The following CDH12 variants were observed in gnomAD, a reference collection of about 807,000 sequenced individuals.
The protein encoded by CDH12 is cadherin 12.
CDH12 carries 41 observed loss-of-function variants against 74.1 expected under a neutral mutation model. That is an observed-to-expected ratio of 0.55 (90% CI 0.43 to 0.72). The LOEUF is 0.72. CDH12 is among the 30% of genes least tolerant of loss of function. The pLI, the probability that CDH12 is intolerant of heterozygous loss-of-function variation, is 0.00. For missense variants in CDH12, 945 were observed against 977.2 expected (o/e 0.97, Z 0.44); for synonymous variants, 399 against 355.0 (o/e 1.12, Z -1.39).
chr5:21,904,492 G>A (rs7445292), intron 6 of CDH12, among the ~76,000 whole-genome samples: 111,362 of 152,108 alleles, frequency 0.73, 43,354 homozygotes, highest in Non-Finnish European at 0.86. Flanking sequence ...TTGGGCTGGC[G>A]TAGTAGCTCA....
intron 3 of CDH12, among the ~76,000 whole-genome samples, chr5:22,287,399 A>G (rs1371750722): frequency 1.3e-5 from 2 of 152,148 alleles, no homozygotes; most frequent in African/African-American, 4.8e-5. Flanking sequence ...TAAATTTTAT[A>G]GTACAGTTAA....
rs1447002522 is a variant in CDH12 at position 22,732,458 on chromosome 5, A to G, written c.-523+120600T>C. On this transcript the variant is annotated intron_variant, in intron 1 of 14. Transcript: ENST00000382254. ...TATATACATATGTGAATGTGTGTGT[A>G]TATATATATATATACACACACACAC... 2.8e-4 allele frequency among the ~76,000 whole-genome samples: 19 copies of G among 67,388 alleles called. No individual in the cohort carries two copies. The East Asian group carries it at 3.2e-3, about 11-fold the overall frequency. The allele number at this position is 67,388 out of a possible 152,430, so 44.2% of individuals were successfully genotyped here. A position where few individuals can be genotyped will look rare whatever the true frequency, so the allele number is the denominator to read the frequency against.
intron 6 of CDH12, among the ~76,000 whole-genome samples, chr5:21,960,204 A>G (rs942069344): frequency 1.3e-5 from 2 of 152,158 alleles, no homozygotes; most frequent in Non-Finnish European, 2.9e-5. Context: ...AGACATCTAC[A>G]GAACTCTCCA....
chr5:22,324,844 G>T (rs1183685232), intron 3 of CDH12, among the ~76,000 whole-genome samples: 2 of 152,144 alleles, frequency 1.3e-5, no homozygotes, highest in East Asian at 3.9e-4. Context: ...ACGCTAATTT[G>T]TAATCAAATA....
intron 8 of CDH12, among the ~76,000 whole-genome samples, chr5:21,826,815 A>G (rs1023926790): frequency 4.6e-5 from 7 of 152,148 alleles, no homozygotes; most frequent in African/African-American, 1.7e-4. Context: ...TCCATTATTA[A>G]CTAATTTTAT....
intron 3 of CDH12, among the ~76,000 whole-genome samples, chr5:22,269,131 A>T (rs919557892): frequency 2.6e-5 from 4 of 152,168 alleles, no homozygotes; most frequent in Non-Finnish European, 4.4e-5. Context: ...AGGAATTATT[A>T]ATAATAAATG....
intron 5 of CDH12, among the ~76,000 whole-genome samples, chr5:22,021,556 G>T (rs2150161933): frequency 6.6e-6 from 1 of 152,236 alleles, no homozygotes; most frequent in East Asian, 1.9e-4. Flanking sequence ...ACAATTATGT[G>T]ATACACATTC....
In CDH12 at chr5:21,880,501, T is replaced by TCCTTCCTTCCTTCCTTCCTTCCTC. The variant is rs1468584598; in HGVS notation, c.527-25712_527-25711insGAGGAAGGAAGGAAGGAAGGAAGG. Among the ~76,000 whole-genome samples, 62 of 25,460 alleles carry TCCTTCCTTCCTTCCTTCCTTCCTC rather than the reference T, an allele frequency of 2.4e-3. 2 individuals carry two copies. Among genetic ancestry groups the TCCTTCCTTCCTTCCTTCCTTCCTC allele is most frequent in the African/African-American group, 4.6e-3 (55 of 12,020 alleles). 16.7% of individuals were successfully genotyped at this position (25,460 alleles called of 152,430 possible). On this transcript the variant is annotated intron_variant, in intron 6 of 14. Coordinates refer to ENST00000382254, the MANE Select transcript of CDH12 (RefSeq NM_004061.5). ...TTCCTTCCTTCCTTCCTTCCTTCCTTCCTCCCTCCCTCCCTCTTTTCTTTC... is the reference window on the plus strand; with the variant it reads ...TTCCTTCCTTCCTTCCTTCCTTCCTTCCTTCCTTCCTTCCTTCCTTCCTCCCTCCCTCCCTCCCTCTTTTCTTTC...
At chr5:22,314,738 C>T (rs1358552063) in intron 3 of CDH12, among the ~76,000 whole-genome samples, 1 of 151,664 alleles carries the variant, frequency 6.6e-6, no homozygotes, top group African/African-American at 2.4e-5. Context: ...AAGTTACAAG[C>T]TGATGCAATG....
At chr5:22,474,305 C>A (rs1255858468) in intron 2 of CDH12, among the ~76,000 whole-genome samples, 1 of 152,132 alleles carries the variant, frequency 6.6e-6, no homozygotes, top group African/African-American at 2.4e-5. Flanking sequence ...TGTAGCAGAT[C>A]ACCTGGACAC....
chr5:21,842,699 C>T (rs950387429), intron 7 of CDH12, among the ~76,000 whole-genome samples: 3 of 151,882 alleles, frequency 2.0e-5, no homozygotes, highest in Non-Finnish European at 2.9e-5. Context: ...ACAAAAAATG[C>T]GAAGTGGTTG....
intron 6 of CDH12, among the ~76,000 whole-genome samples, chr5:21,945,425 G>GAGAAA (rs1561318885): frequency 3.8e-4 from 1 of 2,628 alleles, no homozygotes; most frequent in Non-Finnish European, 7.5e-4. Context: ...GACTGTTTCA[G>GAGAAA]ACAAAAAAAA....
intron 3 of CDH12, among the ~76,000 whole-genome samples, chr5:22,215,906 T>C (rs888691131): frequency 1.3e-5 from 2 of 152,120 alleles, no homozygotes; most frequent in African/African-American, 2.4e-5. Context: ...TAAATGATGA[T>C]AACGCAAACT....
chr5:22,371,415 A>G (rs547994740), intron 3 of CDH12, among the ~76,000 whole-genome samples: 1 of 152,332 alleles, frequency 6.6e-6, no homozygotes, highest in Non-Finnish European at 1.5e-5. Flanking sequence ...ACACAAAGTG[A>G]AAAAGAAAGA....
At chr5:22,496,650 G>T (rs1402924576) in intron 2 of CDH12, among the ~76,000 whole-genome samples, 1 of 152,080 alleles carries the variant, frequency 6.6e-6, no homozygotes, top group Non-Finnish European at 1.5e-5. Context: ...CAACACTGCT[G>T]TTGTCAACAT....
chr5:22,005,656 C>A (rs1736906439), intron 5 of CDH12, among the ~76,000 whole-genome samples: 1 of 151,316 alleles, frequency 6.6e-6, no homozygotes, highest in Admixed American at 6.6e-5. Context: ...GTTTCTTTAT[C>A]ATTCTACTGG....
intron 5 of CDH12, among the ~76,000 whole-genome samples, chr5:22,002,177 A>G (rs924592141): frequency 6.6e-6 from 1 of 152,194 alleles, no homozygotes; most frequent in Admixed American, 6.5e-5. Context: ...AAATATTCCA[A>G]ACATTTTTAT....
At chr5:21,868,759 C>T (rs111312809) in intron 6 of CDH12, among the ~76,000 whole-genome samples, 5,880 of 152,124 alleles carry the variant, frequency 0.039, 335 homozygotes, top group African/African-American at 0.13. Flanking sequence ...GAATGGATCA[C>T]GGTTTGAATC....
chr5:22,759,032 A>G (rs1474070220), intron 1 of CDH12, among the ~76,000 whole-genome samples: 1 of 152,184 alleles, frequency 6.6e-6, no homozygotes, highest in Non-Finnish European at 1.5e-5. Flanking sequence ...TTAAAACCAA[A>G]TAAGATCTTG....
Sources: allele counts gnomAD v4.1 joint callset (sites outside exome capture counted in the v4.1 genomes callset), GRCh38; gene constraint gnomAD v4.1.1; transcripts MANE v1.5; gene names NCBI Gene and HGNC (gene_info 2026-07-23, HGNC 2026-07-21).